JARID2: variants seen among roughly 807,000 people sequenced by gnomAD.
The protein encoded by JARID2 is jumonji and AT-rich interaction domain containing 2.
Under a neutral mutation model 125.6 loss-of-function variants are expected in JARID2, and 21 were observed. The observed-to-expected ratio is 0.17, with a 90% confidence interval of 0.12 to 0.24. JARID2 has a LOEUF of 0.24. JARID2 is among the 10% of genes least tolerant of loss of function. The pLI is 1.00. For missense variants in JARID2, 1,303 were observed against 1,639.6 expected (o/e 0.79, Z 3.55); for synonymous variants, 736 against 661.6 (o/e 1.11, Z -1.73).
intron 13 of JARID2, 98 bp from the exon 14 acceptor site, chr6:15,512,110 T>C: frequency 2.0e-6 from 2 of 981,656 alleles, no homozygotes; most frequent in African/African-American, 1.6e-5. Flanking sequence ...TCTTATCTCC[T>C]TGAGAGCAGG....
At chr6:15,304,208 C>T (rs1761729076) in intron 1 of JARID2, among the ~76,000 whole-genome samples, 1 of 151,746 alleles carries the variant, frequency 6.6e-6, no homozygotes, top group South Asian at 2.1e-4. Context: ...GGATCAGCTG[C>T]CCATCTCGCT....
intron 6 of JARID2, among the ~76,000 whole-genome samples, chr6:15,489,971 A>G (rs2327897): frequency 0.13 from 19,377 of 152,234 alleles, 1,371 homozygotes; most frequent in Non-Finnish European, 0.15. Flanking sequence ...CTGACCTTCA[A>G]TGAGACTTGA....
chr6:15,387,700 G>A (rs1764841179), intron 2 of JARID2, among the ~76,000 whole-genome samples: 1 of 152,086 alleles, frequency 6.6e-6, no homozygotes, highest in African/African-American at 2.4e-5. Flanking sequence ...TTTCTTGCTT[G>A]TGTGATACTA....
intron 1 of JARID2, among the ~76,000 whole-genome samples, chr6:15,329,384 G>A (rs1297300459): frequency 1.3e-5 from 2 of 152,128 alleles, no homozygotes; most frequent in Non-Finnish European, 2.9e-5. Context: ...TTTATAGGGA[G>A]AGTTGACATC....
At chr6:15,471,186 T>A (rs577824092) in intron 5 of JARID2, among the ~76,000 whole-genome samples, 2 of 152,324 alleles carry the variant, frequency 1.3e-5, no homozygotes, top group East Asian at 3.9e-4. Context: ...GGAAAGGTAA[T>A]AACTTTATAA....
chr6:15,253,567 C>T (rs1016000855), intron 1 of JARID2, among the ~76,000 whole-genome samples: 8 of 151,986 alleles, frequency 5.3e-5, no homozygotes, highest in Non-Finnish European at 1.2e-4. Context: ...AAGTATAGAT[C>T]ATTCCTGCGT....
rs1316300589 is a variant in JARID2, at chr6:15,521,040, C to T, written c.*789C>T. On this transcript the variant is annotated 3_prime_UTR_variant, in exon 18 of 18. Coordinates refer to ENST00000341776, the MANE Select transcript of JARID2 (RefSeq NM_004973.4). ...TTTTTGGTGCTGTTGGCTACTTTAT[C>T]AAAAAACCCTTCAATAGCATCCTTA... The T allele has an allele frequency of 1.1e-5, 1 of 92,252 alleles. No individual in the cohort carries two copies. The highest frequency in any genetic ancestry group is 2.1e-5 in the Non-Finnish European group (1 of 48,598). The allele number at this position is 92,252 out of a possible 1,614,324, so 5.7% of individuals were successfully genotyped here. A position where few individuals can be genotyped will look rare whatever the true frequency, so the allele number is the denominator to read the frequency against.
chr6:15,357,992 A>G lies in JARID2; in HGVS notation c.46-16125A>G, dbSNP rs373181198. 8.5e-5 allele frequency among the ~76,000 whole-genome samples: 13 copies of G among 152,302 alleles called. No individual in the cohort carries two copies. The East Asian group carries it at 1.7e-3, about 20-fold the overall frequency. ...GCTGGTGGTTTTTATTGTGCTCTGC[A>G]TTCTGACTCAGGAAGCCCATCTCCT... On this transcript the variant is annotated intron_variant, in intron 1 of 17. Coordinates refer to ENST00000341776, the MANE Select transcript of JARID2 (RefSeq NM_004973.4).
At chr6:15,397,653 G>T (rs895580499) in intron 2 of JARID2, among the ~76,000 whole-genome samples, 5 of 152,138 alleles carry the variant, frequency 3.3e-5, no homozygotes, top group Admixed American at 1.3e-4. Flanking sequence ...TGTTATAGAA[G>T]GTCTTTAAAC....
At chr6:15,515,645 G>A (rs1228267097) in intron 16 of JARID2, among the ~76,000 whole-genome samples, 1 of 151,770 alleles carries the variant, frequency 6.6e-6, no homozygotes, top group Non-Finnish European at 1.5e-5. Flanking sequence ...AATTAACTGG[G>A]TGTGGTGGCG....
At chr6:15,444,152 C>T (rs113309293) in intron 3 of JARID2, among the ~76,000 whole-genome samples, 2 of 152,252 alleles carry the variant, frequency 1.3e-5, no homozygotes, top group Admixed American at 1.3e-4. Context: ...AGGCATTCTG[C>T]GTAGGATAAC....
chr6:15,344,866 C>T (rs368877234), intron 1 of JARID2, among the ~76,000 whole-genome samples: 2 of 151,862 alleles, frequency 1.3e-5, no homozygotes, highest in Non-Finnish European at 1.5e-5. Context: ...TATCAAAAAA[C>T]GTTTTGAAGG....
intron 1 of JARID2, among the ~76,000 whole-genome samples, chr6:15,358,226 G>T (rs16876278): frequency 0.097 from 14,776 of 152,104 alleles, 1,264 homozygotes; most frequent in African/African-American, 0.23. Flanking sequence ...TACTATTTCT[G>T]CTTATAAGCG....
At chr6:15,413,525 G>A (rs1765996381) in intron 3 of JARID2, among the ~76,000 whole-genome samples, 1 of 152,178 alleles carries the variant, frequency 6.6e-6, no homozygotes, top group Admixed American at 6.5e-5. Context: ...TGCATCTGGC[G>A]AGAGCTTTCT....
At chr6:15,273,213 C>T (rs2327884) in intron 1 of JARID2, among the ~76,000 whole-genome samples, 151,921 of 152,258 alleles carry the variant, frequency 1, 75,792 homozygotes, top group Middle Eastern at 1. Context: ...TTTAAAATAC[C>T]TGAGTTTTAT....
At chr6:15,276,185 A>G (rs1178927916) in intron 1 of JARID2, among the ~76,000 whole-genome samples, 1 of 152,194 alleles carries the variant, frequency 6.6e-6, no homozygotes, top group African/African-American at 2.4e-5. Context: ...GTTCGACTTG[A>G]TAAATGTCCT....
At chr6:15,319,433 A>G (rs1762280468) in intron 1 of JARID2, among the ~76,000 whole-genome samples, 1 of 152,048 alleles carries the variant, frequency 6.6e-6, no homozygotes, top group African/African-American at 2.4e-5. Context: ...CCCTCAAGCC[A>G]GTTGCCCAGG....
At chr6:15,306,295 G>A (rs1672439924) in intron 1 of JARID2, among the ~76,000 whole-genome samples, 1 of 149,196 alleles carries the variant, frequency 6.7e-6, no homozygotes, top group African/African-American at 2.5e-5. Flanking sequence ...GAGCCAGCCA[G>A]CCTCTTTTCT....
At chr6:15,355,048 C>G (rs1763552229) in intron 1 of JARID2, among the ~76,000 whole-genome samples, 1 of 152,066 alleles carries the variant, frequency 6.6e-6, no homozygotes, top group Non-Finnish European at 1.5e-5. Flanking sequence ...ACTATATGAA[C>G]CCTCCCTCCC....
Sources: gnomAD v4.1 joint callset for allele counts (sites outside exome capture counted in the v4.1 genomes callset) on GRCh38, gnomAD v4.1.1 for gene constraint, MANE v1.5 for transcripts, NCBI Gene and HGNC (gene_info 2026-07-23, HGNC 2026-07-21) for gene names.